ACY1: variants seen among roughly 807,000 people sequenced by gnomAD.
The protein encoded by ACY1 is aminoacylase 1.
Under a neutral mutation model 53.3 loss-of-function variants are expected in ACY1, and 38 were observed. The observed-to-expected ratio is 0.71, with a 90% CI of 0.55 to 0.93. The LOEUF is 0.93. ACY1 is among the 40% of genes least tolerant of loss of function. The pLI, the probability that ACY1 is intolerant of heterozygous loss-of-function variation, is 0.00. For missense variants in ACY1, 484 were observed against 540.9 expected, an observed-to-expected ratio of 0.89 and a Z score of 1.04; for synonymous variants, 177 against 202.1, an observed-to-expected ratio of 0.88 and a Z score of 1.05.
intron 2 of ACY1, chr3:51,984,959 T>G: frequency 3.5e-6 from 2 of 568,322 alleles, no homozygotes; most frequent in Non-Finnish European, 3.2e-6. Flanking sequence ...TAGTTTCCCA[T>G]ATTTAAGGAA....
intron 4 of ACY1, 84 bp downstream of exon 4, chr3:51,985,549 C>A: frequency 7.3e-7 from 1 of 1,369,054 alleles, no homozygotes; most frequent in South Asian, 1.2e-5. Context: ...TCAAGTTGCT[C>A]ATGGTCCTGG....
Position 51,988,618 on chromosome 3 carries a change from C to T in ACY1, c.1001+15C>T. ...TGCAAGGATATGTGAGCACGCTGGC[C>T]AGCTCTCCTCACAGCCCAGCCCCCT... is the stretch of plus-strand genomic sequence containing the variant. On this transcript the variant is annotated intron_variant, in intron 13 of 14. Transcript: ENST00000636358. 6.2e-7 allele frequency: 1 copy of T among 1,613,976 alleles called. No homozygotes were observed. The highest frequency in any genetic ancestry group is 8.5e-7 in the Non-Finnish European group (1 of 1,179,866).
chr3:51,984,977 C>G (rs577034765), intron 2 of ACY1: 1 of 597,242 alleles, frequency 1.7e-6, no homozygotes, highest in African/African-American at 1.8e-5. Context: ...GAAGATAACA[C>G]CTTCCTCCAA....
chr3:51,983,912 C>T (rs928293750), intron 1 of ACY1, 135 bp from the exon 2 acceptor site: 3 of 705,560 alleles, frequency 4.3e-6, no homozygotes, highest in Non-Finnish European at 7.7e-6. Context: ...AATGGGTGCT[C>T]CTTAATGGGG....
At chr3:51,984,340 A>G (rs1700984573) in intron 2 of ACY1, 182 bp downstream of exon 2, 2 of 666,744 alleles carry the variant, frequency 3.0e-6, no homozygotes, top group African/African-American at 3.6e-5. Flanking sequence ...TTAGGGAGGA[A>G]CCCTTTCCCC....
At chr3:51,987,702 G>C in intron 12 of ACY1, 78 bp downstream of exon 12, 1 of 1,444,952 alleles carries the variant, frequency 6.9e-7, no homozygotes, top group Non-Finnish European at 9.6e-7. Context: ...GTGTGTGCTT[G>C]GTGTGTCTGC....
chr3:51,988,334 G>A, intron 12 of ACY1, 190 bp from the exon 13 acceptor site: 1 of 661,382 alleles, frequency 1.5e-6, no homozygotes, highest in East Asian at 2.7e-5. Context: ...CGGAGGGTGG[G>A]AAGGTCCCAG....
rs1577729757 is a variant in ACY1 at position 51,987,290 on chromosome 3, C to T, written c.708-19C>T. 6.2e-7 allele frequency: 1 copy of T among 1,614,084 alleles called. No homozygotes were observed. Among genetic ancestry groups the T allele is most frequent in the East Asian group, 2.2e-5 (1 of 44,882 alleles). On this transcript the variant is annotated intron_variant, in intron 10 of 14. Transcript: ENST00000636358. ...CCTCTTTTATCTGTTGCTGCCGCTA[C>T]CCTGCCCCCACACCACAGGCTGCAG...
rs769322829 is a variant in ACY1 at position 51,987,363 on chromosome 3, T to C, written c.762T>C (p.Thr254=). Residue 254 remains threonine, a synonymous_variant, in exon 11 of 15, where the codon ACT becomes ACC. Transcript: ENST00000636358. ...KEGSVTSVNL[T]KLEGGVAYNV... ...GGTCCGTGACCTCCGTGAACCTGAC[T>C]AAGCTAGAGGGTGGCGTGGCCTATA... 1.2e-6 allele frequency: 2 copies of C among 1,614,054 alleles called. No homozygotes were observed. Among genetic ancestry groups the C allele is most frequent in the Non-Finnish European group, 1.7e-6 (2 of 1,180,044 alleles).
At chr3:51,988,320 T>C in intron 12 of ACY1, 1 of 644,718 alleles carries the variant, frequency 1.6e-6, no homozygotes, top group Non-Finnish European at 2.8e-6. Flanking sequence ...AGGAGGTAAG[T>C]AGACGGAGGG....
intron 8 of ACY1, 137 bp downstream of exon 8, chr3:51,986,798 T>C: frequency 7.6e-7 from 1 of 1,317,286 alleles, no homozygotes; most frequent in Non-Finnish European, 1.1e-6. Context: ...CTCCCAGCTC[T>C]TTCCTATCTG....
At chr3:51,987,272 T>C (rs762693265) in intron 10 of ACY1, 37 bp from the exon 11 acceptor site, 2 of 1,614,020 alleles carry the variant, frequency 1.2e-6, no homozygotes, top group South Asian at 2.2e-5. Flanking sequence ...CCACCTCTTT[T>C]ATCTGTTGCT....
chr3:51,984,588 G>C (rs1219936235), intron 2 of ACY1: 1 of 313,104 alleles, frequency 3.2e-6, no homozygotes, highest in East Asian at 8.1e-5. Flanking sequence ...GTTGAGGCTG[G>C]CAGATTGCTT....
chr3:51,983,966 C>T (rs1192927185), intron 1 of ACY1, 81 bp from the exon 2 acceptor site: 3 of 1,039,334 alleles, frequency 2.9e-6, no homozygotes, highest in Admixed American at 3.4e-5. Flanking sequence ...GTCCGGGAGC[C>T]GCCGTGGGGA....
intron 2 of ACY1, chr3:51,984,443 G>A (rs1051066228): frequency 2.8e-5 from 14 of 508,046 alleles, no homozygotes; most frequent in Non-Finnish European, 4.7e-5. Flanking sequence ...GGGGAAGCCT[G>A]AGGCAGCCAC....
At position 51,987,542 on chromosome 3, in the gene ACY1, C is replaced by T. The variant is rs980522985; in HGVS notation, c.853-14C>T. On this transcript the variant is annotated splice_polypyrimidine_tract_variant and intron_variant, in intron 11 of 14. Coordinates refer to ENST00000636358, the MANE Select transcript of ACY1 (RefSeq NM_000666.3). ...TGGAAAGCCTGAAGGATCAGCTCGT[C>T]TCCCTTCTCTTAGGCTTTTGAGGAG... The T allele has an allele frequency of 6.2e-7, 1 of 1,613,978 alleles. No individual in the cohort carries two copies. The highest frequency in any genetic ancestry group is 1.3e-5 in the African/African-American group (1 of 74,938).
chr3:51,986,494 C>A lies in ACY1; in HGVS notation c.516C>A (p.Ala172=), dbSNP rs1206070406. Residue 172 remains alanine (A), a synonymous_variant, in exon 7 of 15, where the codon GCC becomes GCA. Transcript: ENST00000636358. ...PEFHALRAGF[A]LDEGIANPTD... is the part of the protein sequence containing the mutation. ...TCCACGCCCTGAGGGCAGGCTTTGCCCTGGATGAGGGTGAGCAGGTTGGCA... is the reference window on the plus strand; with the variant it reads ...TCCACGCCCTGAGGGCAGGCTTTGCACTGGATGAGGGTGAGCAGGTTGGCA... 3.7e-6 allele frequency: 6 copies of A among 1,614,098 alleles called. No homozygotes were observed. The highest frequency in any genetic ancestry group is 5.1e-6 in the Non-Finnish European group (6 of 1,179,996).
intron 5 of ACY1, 114 bp downstream of exon 5, chr3:51,986,060 T>C (rs1701044790): frequency 8.5e-7 from 1 of 1,174,992 alleles, no homozygotes; most frequent in Admixed American, 2.0e-5. Flanking sequence ...CGTGACCTCT[T>C]GGACAGGAAC....
rs765820127 is a variant in ACY1 at position 51,984,155 on chromosome 3, T to A, written c.91T>A (p.Tyr31Asn). 3 of 1,613,874 alleles carry A rather than the reference T, an allele frequency of 1.9e-6. No homozygotes were observed. Among genetic ancestry groups the A allele is most frequent in the Admixed American group, 3.3e-5 (2 of 60,028 alleles). Residue 31 changes from tyrosine (Y) to asparagine (N), a missense_variant, in exon 2 of 15, where the codon TAT (tyrosine) becomes AAT (asparagine). By Grantham distance (143) the Tyr-to-Asn change is moderately radical. Transcript: ENST00000636358. ...RIRTVQPKPD[Y>N]GAAVAFFEET... ...CCGCACTGTCCAGCCCAAGCCTGAC[T>A]ATGGTGAGAAGACGGTGGTTCCAGA...
Sources: allele counts gnomAD v4.1 joint callset, GRCh38; gene constraint gnomAD v4.1.1; transcripts MANE v1.5; gene names NCBI Gene and HGNC (gene_info 2026-07-23, HGNC 2026-07-21).